Variants in ARMH1 observed in about 807,000 individuals in gnomAD.
The protein encoded by ARMH1 is armadillo-like helical domain containing protein 1.
Under a neutral mutation model 50.2 loss-of-function variants are expected in ARMH1, and 34 were observed. That is an observed-to-expected ratio of 0.68 (90% CI 0.51 to 0.90). The LOEUF (loss-of-function observed/expected upper bound fraction) is 0.90, where lower values mean the gene tolerates loss of function less well. Ranked by LOEUF, ARMH1 falls within the 40% of genes least tolerant of loss-of-function variation. The probability of loss-of-function intolerance (pLI) is 0.00; values close to 1 mark genes in which losing one functional copy is unlikely to be tolerated. For synonymous variants in ARMH1, 221 were observed against 224.2 expected (o/e 0.99, Z 0.13); for missense variants, 538 against 553.9 (o/e 0.97, Z 0.29).
In ARMH1 at chr1:44,725,170, G is replaced by T; in HGVS notation, c.1163G>T (p.Ser388Ile). 6.4e-7 allele frequency: 1 copy of T among 1,552,048 alleles called. No homozygotes were observed. Among genetic ancestry groups the T allele is most frequent in the Non-Finnish European group, 8.7e-7 (1 of 1,147,046 alleles). The change falls in exon 11 of 12, where the codon AGC becomes ATC. Residue 388 changes from serine (S) to isoleucine (I), a missense_variant. Coordinates refer to ENST00000535358, the MANE Select transcript of ARMH1 (RefSeq NM_001145636.2). ...GAGGACTTGTACATGAAAATAGACA[G>T]CATTCAGGCGGACATCTTGGCGGCC... The part of the protein sequence containing the change: ...NAEDLYMKID[S>I]IQADILAANT...
chr1:44,706,782 G>C (rs1646362497), intron 6 of ARMH1, among the ~76,000 whole-genome samples: 2 of 152,154 alleles, frequency 1.3e-5, no homozygotes, highest in African/African-American at 4.8e-5. Flanking sequence ...TGAAGGGGTA[G>C]AGTGGTACAG....
Position 44,724,491 on chromosome 1 carries a change from C to T in ARMH1, c.921-48C>T. On this transcript the variant is annotated intron_variant, in intron 8 of 11. Transcript: ENST00000535358. The surrounding 1 kb of genome is among the most constrained non-coding windows in gnomAD (Gnocchi z 6.4). ...CGTGCGCCGGGTGGGCGGGGGTGTG[C>T]GCCGGGTGAGCCCCAGGGCGTCGCC... 6.6e-7 allele frequency: 1 copy of T among 1,510,704 alleles called. No individual in the cohort carries two copies. 93.6% of individuals were successfully genotyped at this position (1,510,704 alleles called of 1,614,324 possible).
chr1:44,710,515 A>C lies in ARMH1; in HGVS notation c.724+6342A>C, dbSNP rs138840388. ...TCTCAGCTACTCGGGAGGCTGAGGC[A>C]GGAGAATGGCGTGAACCCAGGAGGT... On this transcript the variant is annotated intron_variant, in intron 6 of 11. Transcript: ENST00000535358. Among the ~76,000 whole-genome samples the C allele has an allele frequency of 4.1e-3, 615 of 150,076 alleles. 21 individuals carry two copies. In the East Asian group the frequency reaches 0.085, roughly 21 times the overall value.
At chr1:44,722,101 G>T (rs1175391461) in intron 6 of ARMH1, among the ~76,000 whole-genome samples, 3 of 152,182 alleles carry the variant, frequency 2.0e-5, no homozygotes. Context: ...AATAATTCTC[G>T]TATCTACAAT....
At chr1:44,703,726 T>C (rs1196703177) in intron 5 of ARMH1, among the ~76,000 whole-genome samples, 1 of 130,792 alleles carries the variant, frequency 7.6e-6, no homozygotes, top group Non-Finnish European at 1.6e-5. Flanking sequence ...GGAATACATC[T>C]TTTTCTTTTT....
rs761949466 is a variant in ARMH1, at chr1:44,725,503, C to G, written c.*100C>G. 39 of 1,222,056 alleles carry G rather than the reference C, an allele frequency of 3.2e-5. No homozygotes were observed. The highest frequency in any genetic ancestry group is 4.4e-5 in the Non-Finnish European group (38 of 858,262). The allele number at this position is 1,222,056 out of a possible 1,614,324, so 75.7% of individuals were successfully genotyped here. On this transcript the variant is annotated 3_prime_UTR_variant, in exon 12 of 12. Coordinates refer to ENST00000535358, the MANE Select transcript of ARMH1 (RefSeq NM_001145636.2). The stretch of plus-strand genomic sequence containing the variant: ...AAGCTCAGAGCCACTCCACTTGGCT[C>G]CAGGGGGGAGACGGGGATTAGGCAT...
At position 44,697,156 on chromosome 1, in the gene ARMH1, A is replaced by G. The variant is rs1184434490; in HGVS notation, c.261A>G (p.Leu87=). The change falls in exon 3 of 12, where the codon TTA becomes TTG. Residue 87 remains leucine, a synonymous_variant. Coordinates refer to ENST00000535358, the MANE Select transcript of ARMH1 (RefSeq NM_001145636.2). ...TTCTCAGGTCCATTGGCATCTTCTT[A>G]TCAGCTGTAAGCAGGTGAGTTCTGT... The part of the protein sequence containing the change: ...EKLLRSIGIF[L]SAVSSNRYLI... The G allele has an allele frequency of 1.9e-6, 3 of 1,551,700 alleles. No homozygotes were observed. The highest frequency in any genetic ancestry group is 1.4e-5 in the African/African-American group (1 of 72,978).
At chr1:44,693,321 T>G (rs1645719097) in intron 2 of ARMH1, among the ~76,000 whole-genome samples, 1 of 152,222 alleles carries the variant, frequency 6.6e-6, no homozygotes, top group African/African-American at 2.4e-5. Context: ...TTTTCCTTCC[T>G]TGTCTTACTG....
Position 44,724,028 on chromosome 1 carries a change from C to A in ARMH1, c.725-94C>A. ...AGTGCTGATCAGTAAAAGAGGAGGA[C>A]ACTGACGAGTGGCGACTTGGTTCAC... On this transcript the variant is annotated intron_variant, in intron 6 of 11. Transcript: ENST00000535358. The surrounding 1 kb of genome is among the most constrained non-coding windows in gnomAD (Gnocchi z 6.4). 6.9e-7 allele frequency: 1 copy of A among 1,456,280 alleles called. No homozygotes were observed. The highest frequency in any genetic ancestry group is 9.2e-7 in the Non-Finnish European group (1 of 1,084,476). The allele number at this position is 1,456,280 out of a possible 1,614,324, so 90.2% of individuals were successfully genotyped here. A position where few individuals can be genotyped will look rare whatever the true frequency, so the allele number is the denominator to read the frequency against.
At chr1:44,721,769 T>A (rs572311562) in intron 6 of ARMH1, 12 of 152,134 alleles carry the variant, frequency 7.9e-5, no homozygotes, top group African/African-American at 2.7e-4. Context: ...ACGTCTCTCT[T>A]TAGTAACAGA....
chr1:44,692,957 G>C (rs1415984022), intron 2 of ARMH1: 1 of 152,144 alleles, frequency 6.6e-6, no homozygotes, highest in Non-Finnish European at 1.5e-5. Flanking sequence ...TGCCCAAGCT[G>C]GTCTCAAACT....
intron 1 of ARMH1, among the ~76,000 whole-genome samples, chr1:44,676,034 T>C (rs918531451): frequency 6.6e-6 from 1 of 152,048 alleles, no homozygotes; most frequent in African/African-American, 2.4e-5. Flanking sequence ...GGAGGTTGTT[T>C]CAGTAGTGGG....
At chr1:44,676,932 C>T (rs1242928238) in intron 1 of ARMH1, among the ~76,000 whole-genome samples, 1 of 152,050 alleles carries the variant, frequency 6.6e-6, no homozygotes, top group African/African-American at 2.4e-5. Flanking sequence ...GAATGGTGCC[C>T]TTGAAAAAAA....
chr1:44,725,340 G>A lies in ARMH1; in HGVS notation c.1260G>A (p.Ser420=). Residue 420 remains serine, a synonymous_variant, in exon 12 of 12, where the codon TCG becomes TCA. Coordinates refer to ENST00000535358, the MANE Select transcript of ARMH1 (RefSeq NM_001145636.2). ...ACAGCATGAACACTCTCTATGGCTC[G>A]CGCGATTCGGCTCAGATGGCCTACC... ...SSYSMNTLYG[S]RDSAQMAYLT... is the part of the protein sequence containing the mutation. 2 of 1,549,416 alleles carry A rather than the reference G, an allele frequency of 1.3e-6. No homozygotes were observed. Among genetic ancestry groups the A allele is most frequent in the East Asian group, 4.9e-5 (2 of 40,900 alleles).
In ARMH1 at chr1:44,723,566, G is replaced by A. The variant is rs187955642; in HGVS notation, c.725-556G>A. Among the ~76,000 whole-genome samples, 762 of 152,172 alleles carry A rather than the reference G, an allele frequency of 5.0e-3. 3 individuals carry two copies. The highest frequency in any genetic ancestry group is 0.01 in the Middle Eastern group (3 of 294). On this transcript the variant is annotated intron_variant, in intron 6 of 11. Transcript: ENST00000535358. ...GGTTTACCTCTCTGTGTCTAATTTC[G>A]GCAAAGGTAAAATGGGGAAGTGAAC...
At chr1:44,686,778 A>G (rs533702522) in intron 1 of ARMH1, among the ~76,000 whole-genome samples, 4 of 151,784 alleles carry the variant, frequency 2.6e-5, no homozygotes, top group Admixed American at 2.6e-4. Flanking sequence ...GAGTGGTGCA[A>G]TAAAACTGAT....
At chr1:44,680,077 T>C (rs548507855) in intron 1 of ARMH1, among the ~76,000 whole-genome samples, 61 of 152,334 alleles carry the variant, frequency 4.0e-4, no homozygotes, top group African/African-American at 1.3e-3. Context: ...AACACTGAGA[T>C]GCAGAGGGCC....
chr1:44,718,767 G>C lies in ARMH1; in HGVS notation c.725-5355G>C, dbSNP rs538931751. ...GGGCCGGGCATGGTGGCCCATGCTT[G>C]TAATCCCAGCACTTTGGGAGGCCGA... On this transcript the variant is annotated intron_variant, in intron 6 of 11. Transcript: ENST00000535358. Among the ~76,000 whole-genome samples, 8 of 152,330 alleles carry C rather than the reference G, an allele frequency of 5.3e-5. No homozygotes were observed. The East Asian group carries it at 1.3e-3, about 26-fold the overall frequency.
Position 44,724,685 on chromosome 1 carries a change from G to C in ARMH1, c.1050+17G>C, listed in dbSNP as rs1210931134. 1 of 1,484,454 alleles carries C rather than the reference G, an allele frequency of 6.7e-7. No homozygotes were observed. Among genetic ancestry groups the C allele is most frequent in the Admixed American group, 2.4e-5 (1 of 40,960 alleles). The allele number at this position is 1,484,454 out of a possible 1,614,324, so 92.0% of individuals were successfully genotyped here. ...ACGCTGGAGGTGCGCGCGGCGGCTGGTTAGGGGGCGGGAAGGGCGGCGGCA... is the reference window on the plus strand; with the variant it reads ...ACGCTGGAGGTGCGCGCGGCGGCTGCTTAGGGGGCGGGAAGGGCGGCGGCA... On this transcript the variant is annotated intron_variant, in intron 9 of 11. Transcript: ENST00000535358. The surrounding 1 kb of genome is among the most constrained non-coding windows in gnomAD (Gnocchi z 6.4).
Sources: allele counts gnomAD v4.1 joint callset (sites outside exome capture counted in the v4.1 genomes callset), GRCh38; gene constraint gnomAD v4.1.1; non-coding constraint Gnocchi (gnomAD v3.1); transcripts MANE v1.5; gene names NCBI Gene and HGNC (gene_info 2026-07-23, HGNC 2026-07-21).